REV1: variants seen among roughly 807,000 people sequenced by gnomAD.
REV1 encodes translesion synthesis protein REV1.
A neutral mutation model predicts 137.4 loss-of-function variants in REV1; 42 were observed. That is an observed-to-expected ratio of 0.31 (90% CI 0.24 to 0.40). The LOEUF (loss-of-function observed/expected upper bound fraction) is 0.40. Ranked by LOEUF, REV1 falls within the 10% of genes least tolerant of loss-of-function variation. The pLI is 1.00. For missense variants in REV1, 1,282 were observed against 1,490.1 expected (o/e 0.86, Z 2.30); for synonymous variants, 524 against 519.2 (o/e 1.01, Z -0.12).
chr2:99,411,718 C>A (rs1418210796), intron 13 of REV1, among the ~76,000 whole-genome samples: 1 of 151,500 alleles, frequency 6.6e-6, no homozygotes, highest in African/African-American at 2.4e-5. Flanking sequence ...CCCTTTCTTT[C>A]TTTTCTATGC....
chr2:99,418,151 A>G (rs969543496), intron 12 of REV1, among the ~76,000 whole-genome samples: 3 of 151,124 alleles, frequency 2.0e-5, no homozygotes, highest in Non-Finnish European at 3.0e-5. Context: ...CACTAAATCT[A>G]CTTTTAACAA....
chr2:99,406,187 A>C (rs1212868719), intron 16 of REV1, 81 bp from the exon 17 acceptor site: 3 of 1,395,864 alleles, frequency 2.1e-6, no homozygotes, highest in African/African-American at 1.5e-5. Flanking sequence ...CAAATAAAAA[A>C]ACTTTATTAC....
At chr2:99,436,061 A>T in intron 6 of REV1, 120 bp from the exon 7 acceptor site, 1 of 657,258 alleles carries the variant, frequency 1.5e-6, no homozygotes, top group Non-Finnish European at 2.7e-6. Context: ...GAGTCTTTTT[A>T]AAAAACCAGA....
At chr2:99,441,328 A>C (rs1559354627) in intron 5 of REV1, among the ~76,000 whole-genome samples, 1 of 152,194 alleles carries the variant, frequency 6.6e-6, no homozygotes, top group Non-Finnish European at 1.5e-5. Flanking sequence ...TCGAAAAAAA[A>C]TATATCCAAC....
intron 3 of REV1, chr2:99,451,287 TAA>T (rs1575144239): frequency 9.6e-7 from 1 of 1,041,008 alleles, no homozygotes; most frequent in African/African-American, 1.7e-5. Context: ...CTTTACCGAA[TAA>T]AAAGACACGT....
chr2:99,442,084 T>G (rs189468322), intron 5 of REV1, among the ~76,000 whole-genome samples: 1 of 151,106 alleles, frequency 6.6e-6, no homozygotes, highest in Non-Finnish European at 1.5e-5. Context: ...AAACCCCGTC[T>G]CTACTAAAAA....
intron 1 of REV1, among the ~76,000 whole-genome samples, chr2:99,484,342 T>C (rs1575266168): frequency 6.6e-6 from 1 of 152,230 alleles, no homozygotes; most frequent in East Asian, 1.9e-4. Context: ...TTTATCTATA[T>C]AACAAACATT....
At chr2:99,452,019 C>G (rs1682981222) in intron 3 of REV1, among the ~76,000 whole-genome samples, 1 of 151,936 alleles carries the variant, frequency 6.6e-6, no homozygotes, top group Non-Finnish European at 1.5e-5. Context: ...CTAGAACATA[C>G]TCCCTTATTA....
intron 5 of REV1, among the ~76,000 whole-genome samples, chr2:99,439,732 GC>G (rs1243924403): frequency 2.6e-5 from 4 of 152,176 alleles, no homozygotes; most frequent in African/African-American, 9.6e-5. Flanking sequence ...CAGTTCTGAA[GC>G]ACAGTGCTTG....
intron 14 of REV1, chr2:99,408,338 G>A (rs1274616795): frequency 6.3e-5 from 23 of 367,686 alleles, no homozygotes; most frequent in Non-Finnish European, 1.1e-4. Context: ...GAAAAATTAT[G>A]GAACACTAGA....
At chr2:99,463,919 C>A (rs1684519066) in intron 2 of REV1, among the ~76,000 whole-genome samples, 1 of 152,138 alleles carries the variant, frequency 6.6e-6, no homozygotes, top group African/African-American at 2.4e-5. Flanking sequence ...CCACCACGCC[C>A]AACCTCAGAG....
chr2:99,413,686 C>G (rs1305261810), intron 12 of REV1, among the ~76,000 whole-genome samples: 1 of 152,126 alleles, frequency 6.6e-6, no homozygotes, highest in Non-Finnish European at 1.5e-5. Context: ...TTCTGTTGCT[C>G]TAAGTTGGAG....
chr2:99,467,957 G>A (rs899149030), intron 1 of REV1, among the ~76,000 whole-genome samples: 2 of 152,200 alleles, frequency 1.3e-5, no homozygotes, highest in Non-Finnish European at 2.9e-5. Context: ...GAGGTGGACA[G>A]ATCACGTGAG....
intron 11 of REV1, among the ~76,000 whole-genome samples, chr2:99,420,346 C>T (rs908689027): frequency 8.5e-5 from 13 of 152,204 alleles, no homozygotes; most frequent in African/African-American, 3.1e-4. Flanking sequence ...GCACACTTGT[C>T]ATATGCAACC....
At chr2:99,482,589 T>C (rs1686721829) in intron 1 of REV1, among the ~76,000 whole-genome samples, 1 of 152,090 alleles carries the variant, frequency 6.6e-6, no homozygotes, top group South Asian at 2.1e-4. Context: ...AGCTATAAAA[T>C]AGGATATGCT....
At chr2:99,420,930 A>C (rs1678575166) in intron 11 of REV1, among the ~76,000 whole-genome samples, 1 of 152,236 alleles carries the variant, frequency 6.6e-6, no homozygotes, top group African/African-American at 2.4e-5. Context: ...GGGAAGCTTA[A>C]GTATGAAAGA....
intron 1 of REV1, among the ~76,000 whole-genome samples, chr2:99,475,495 A>C (rs996145952): frequency 3.3e-5 from 5 of 152,208 alleles, no homozygotes; most frequent in African/African-American, 1.2e-4. Context: ...ATTTATTTCT[A>C]ATCAGATGGG....
intron 5 of REV1, among the ~76,000 whole-genome samples, chr2:99,440,419 C>T (rs1265714822): frequency 6.6e-6 from 1 of 152,186 alleles, no homozygotes; most frequent in African/African-American, 2.4e-5. Flanking sequence ...CACCCTAATA[C>T]CAACTTGGTT....
rs530133930 is a variant in REV1, at chr2:99,477,586, T to C, written c.-11+12231A>G. ...GCATAAGTACATCTGAGCATTTTAA[T>C]ATGATTTTGATTCAATATCTATATA... On this transcript the variant is annotated intron_variant, in intron 1 of 22. Transcript: ENST00000258428. 2.2e-3 allele frequency among the ~76,000 whole-genome samples: 330 copies of C among 152,340 alleles called. 4 individuals are homozygous for C. Among genetic ancestry groups the C allele is most frequent in the African/African-American group, 7.4e-3 (306 of 41,580 alleles).
Sources: gnomAD v4.1 joint callset for allele counts (sites outside exome capture counted in the v4.1 genomes callset) on GRCh38, gnomAD v4.1.1 for gene constraint, MANE v1.5 for transcripts, NCBI Gene and HGNC (gene_info 2026-07-23, HGNC 2026-07-21) for gene names.